B3GALT1: variants seen among roughly 807,000 people sequenced by gnomAD.
B3GALT1 encodes the protein UDP-Gal:betaGlcNAc beta 1,3-galactosyltransferase, polypeptide 1.
Under a neutral mutation model 23.2 loss-of-function variants are expected in B3GALT1, and 10 were observed. The observed-to-expected ratio is 0.43, with a 90% CI of 0.27 to 0.73. The LOEUF (loss-of-function observed/expected upper bound fraction) is 0.73, where lower values mean the gene tolerates loss of function less well. Ranked by LOEUF, B3GALT1 falls within the 30% of genes least tolerant of loss-of-function variation. The pLI is 0.21. For missense variants in B3GALT1, 299 were observed against 405.4 expected, an observed-to-expected ratio of 0.74 and a Z score of 2.25; for synonymous variants, 156 against 141.5, an observed-to-expected ratio of 1.10 and a Z score of -0.73.
intron 2 of B3GALT1, among the ~76,000 whole-genome samples, chr2:167,606,305 G>A (rs949287318): frequency 5.3e-5 from 8 of 152,190 alleles, no homozygotes; most frequent in Admixed American, 3.9e-4. Flanking sequence ...GTGCTTAGCT[G>A]AATTGAAAGT....
At chr2:167,703,791 A>G (rs949598337) in intron 3 of B3GALT1, among the ~76,000 whole-genome samples, 5 of 152,182 alleles carry the variant, frequency 3.3e-5, no homozygotes, top group African/African-American at 1.2e-4. Flanking sequence ...AATTGAAACT[A>G]GAGCAATACA....
chr2:167,637,977 A>G (rs1685588165), intron 2 of B3GALT1, among the ~76,000 whole-genome samples: 1 of 152,042 alleles, frequency 6.6e-6, no homozygotes. Context: ...GGCTATAGTG[A>G]ACAAAGCAGG....
chr2:167,627,966 C>T (rs1363942910), intron 2 of B3GALT1, among the ~76,000 whole-genome samples: 4 of 151,674 alleles, frequency 2.6e-5, no homozygotes, highest in Middle Eastern at 3.4e-3. Context: ...TTTTGAATGA[C>T]GTTTGATGTG....
At chr2:167,318,213 G>A (rs1373816922) in intron 1 of B3GALT1, among the ~76,000 whole-genome samples, 1 of 151,868 alleles carries the variant, frequency 6.6e-6, no homozygotes, top group Non-Finnish European at 1.5e-5. Flanking sequence ...TGTAATCCCA[G>A]CTACTCGGAG....
At chr2:167,846,126 A>C (rs1186343415) in intron 4 of B3GALT1, among the ~76,000 whole-genome samples, 1 of 152,158 alleles carries the variant, frequency 6.6e-6, no homozygotes, top group Non-Finnish European at 1.5e-5. Context: ...AAACCTAAGA[A>C]TAATCCGTGT....
intron 3 of B3GALT1, among the ~76,000 whole-genome samples, chr2:167,659,555 A>AT (rs1686019728): frequency 6.6e-6 from 1 of 152,130 alleles, no homozygotes; most frequent in Non-Finnish European, 1.5e-5. Context: ...CAAAAATGTA[A>AT]TACCAAATAG....
chr2:167,806,025 C>T (rs1014319148), intron 3 of B3GALT1, among the ~76,000 whole-genome samples: 3 of 151,982 alleles, frequency 2.0e-5, no homozygotes, highest in South Asian at 2.1e-4. Flanking sequence ...TTGTAGTTCT[C>T]CTTGAAGAGG....
intron 4 of B3GALT1, among the ~76,000 whole-genome samples, chr2:167,836,962 C>T (rs1397677390): frequency 1.3e-5 from 2 of 152,136 alleles, no homozygotes; most frequent in Non-Finnish European, 2.9e-5. Flanking sequence ...AAATACTTTA[C>T]AGACAAGCAA....
chr2:167,407,647 G>A (rs1698306759), intron 1 of B3GALT1, among the ~76,000 whole-genome samples: 1 of 151,708 alleles, frequency 6.6e-6, no homozygotes. Context: ...AAATGAAAAA[G>A]GAGACGTAAC....
chr2:167,494,393 T>C (rs935836010), intron 2 of B3GALT1, among the ~76,000 whole-genome samples: 7 of 151,676 alleles, frequency 4.6e-5, no homozygotes, highest in African/African-American at 1.7e-4. Context: ...AATAAATACC[T>C]AAGAAGTCCA....
chr2:167,678,844 G>A (rs1686474500), intron 3 of B3GALT1, among the ~76,000 whole-genome samples: 1 of 152,134 alleles, frequency 6.6e-6, no homozygotes, highest in African/African-American at 2.4e-5. Context: ...TATTAAACAT[G>A]CTTATTTGGT....
chr2:167,418,414 GA>G lies in B3GALT1; in HGVS notation c.-510-71751del, dbSNP rs200328760. ...AAGGCATGTGTGGGGAAAGGATGAT[GA>G]AAAAAAAAAAAGAGCTCATGTTTTT... On this transcript the variant is annotated intron_variant, in intron 1 of 4. Transcript: ENST00000392690. Among the ~76,000 whole-genome samples the G allele has an allele frequency of 6.5e-3, 911 of 139,954 alleles. 30 individuals are homozygous for G. The East Asian group carries it at 0.1, about 16-fold the overall frequency. 91.8% of individuals were successfully genotyped at this position (139,954 alleles called of 152,430 possible).
chr2:167,439,312 T>A (rs1450419471), intron 1 of B3GALT1, among the ~76,000 whole-genome samples: 2 of 152,348 alleles, frequency 1.3e-5, no homozygotes, highest in East Asian at 3.9e-4. Flanking sequence ...TTAAGCCACA[T>A]CAATTCCTTT....
chr2:167,387,351 G>A (rs1697944265), intron 1 of B3GALT1, among the ~76,000 whole-genome samples: 1 of 152,160 alleles, frequency 6.6e-6, no homozygotes, highest in African/African-American at 2.4e-5. Flanking sequence ...ATTAAGTAGA[G>A]TCATATAATG....
intron 2 of B3GALT1, among the ~76,000 whole-genome samples, chr2:167,496,525 G>A (rs1284163409): frequency 1.3e-5 from 2 of 152,142 alleles, no homozygotes; most frequent in East Asian, 3.8e-4. Flanking sequence ...ATATTATAAG[G>A]AAGTTTTTAA....
intron 3 of B3GALT1, among the ~76,000 whole-genome samples, chr2:167,782,773 A>C (rs1294076331): frequency 6.6e-6 from 1 of 152,218 alleles, no homozygotes; most frequent in Non-Finnish European, 1.5e-5. Flanking sequence ...AAAAACCTTA[A>C]ATTGTTTACA....
chr2:167,676,966 T>G (rs1369560026), intron 3 of B3GALT1, among the ~76,000 whole-genome samples: 1 of 152,230 alleles, frequency 6.6e-6, no homozygotes, highest in Admixed American at 6.5e-5. Flanking sequence ...GTTTCTTCCT[T>G]GATCAAAAAC....
At chr2:167,747,019 C>T (rs1438224495) in intron 3 of B3GALT1, among the ~76,000 whole-genome samples, 1 of 152,116 alleles carries the variant, frequency 6.6e-6, no homozygotes, top group Non-Finnish European at 1.5e-5. Flanking sequence ...TCTTTCTTCC[C>T]CTTCCCCATA....
At chr2:167,848,119 G>A (rs1481295246) in intron 4 of B3GALT1, among the ~76,000 whole-genome samples, 1 of 151,868 alleles carries the variant, frequency 6.6e-6, no homozygotes, top group Non-Finnish European at 1.5e-5. Context: ...ACAAAAAAAA[G>A]GTCCAGGACC....
Sources: allele counts gnomAD v4.1 joint callset (sites outside exome capture counted in the v4.1 genomes callset), GRCh38; gene constraint gnomAD v4.1.1; transcripts MANE v1.5; gene names NCBI Gene and HGNC (gene_info 2026-07-23, HGNC 2026-07-21).